Variants in PSD3 observed in about 807,000 individuals in gnomAD.
PSD3 encodes PH and SEC7 domain-containing protein 3.
Under a neutral mutation model 105.5 loss-of-function variants are expected in PSD3, and 49 were observed. The observed-to-expected ratio is 0.46, with a 90% CI of 0.37 to 0.59. PSD3 has a LOEUF of 0.59. Ranked by LOEUF, PSD3 falls within the 20% of genes least tolerant of loss-of-function variation. The pLI is 0.00. For synonymous variants in PSD3, 557 were observed against 457.8 expected (o/e 1.22, Z -2.77); for missense variants, 1,561 against 1,263.8 (o/e 1.24, Z -3.57).
intron 1 of PSD3, among the ~76,000 whole-genome samples, chr8:18,971,063 C>A (rs554686789): frequency 6.6e-6 from 1 of 151,876 alleles, no homozygotes; most frequent in South Asian, 2.1e-4. Flanking sequence ...CTTAATGAGA[C>A]CATGCAGACC....
At chr8:18,786,042 G>C (rs1014045864) in intron 8 of PSD3, among the ~76,000 whole-genome samples, 2 of 152,158 alleles carry the variant, frequency 1.3e-5, no homozygotes, top group Non-Finnish European at 2.9e-5. Context: ...AATAAAATGA[G>C]ATACGCCTAT....
At chr8:19,015,869 T>C (rs188618824), upstream of PSD3, among the ~76,000 whole-genome samples, 7 of 152,336 alleles carry the variant, frequency 4.6e-5, no homozygotes, top group East Asian at 1.3e-3. Context: ...CAAAGGAAAT[T>C]TTTAATTGGT....
chr8:18,672,237 C>G (rs537391580), intron 9 of PSD3, among the ~76,000 whole-genome samples: 1 of 151,812 alleles, frequency 6.6e-6, no homozygotes, highest in East Asian at 1.9e-4. Context: ...CCAAGAAAAA[C>G]GGTCAATTAT....
chr8:18,658,656 G>T (rs1309196371), intron 9 of PSD3, among the ~76,000 whole-genome samples: 1 of 151,652 alleles, frequency 6.6e-6, no homozygotes, highest in East Asian at 1.9e-4. Context: ...CTAAGTAGCT[G>T]TGGTTACACC....
At chr8:18,767,828 A>T (rs965866083) in intron 8 of PSD3, among the ~76,000 whole-genome samples, 2 of 152,116 alleles carry the variant, frequency 1.3e-5, no homozygotes, top group African/African-American at 4.8e-5. Flanking sequence ...TACTATGCAT[A>T]AATGTATGCT....
chr8:19,027,398 T>A (rs1008876538), intron 1 of PSD3, among the ~76,000 whole-genome samples: 6 of 152,138 alleles, frequency 3.9e-5, no homozygotes, highest in African/African-American at 1.4e-4. Context: ...TAATCCACAG[T>A]CAGAAACCCC....
At chr8:18,752,520 A>G (rs1216775965) in intron 9 of PSD3, among the ~76,000 whole-genome samples, 1 of 72,904 alleles carries the variant, frequency 1.4e-5, no homozygotes, top group Admixed American at 2.2e-4. Context: ...AATATATGTA[A>G]TATATATAAT....
chr8:19,058,198 G>A (rs1262608142), intron 1 of PSD3, among the ~76,000 whole-genome samples: 3 of 152,100 alleles, frequency 2.0e-5, no homozygotes, highest in Admixed American at 1.3e-4. Flanking sequence ...AGTGGGTTAC[G>A]TACTTTGTGG....
At chr8:18,639,458 T>A (rs1807489481) in intron 10 of PSD3, among the ~76,000 whole-genome samples, 1 of 152,016 alleles carries the variant, frequency 6.6e-6, no homozygotes, top group Non-Finnish European at 1.5e-5. Flanking sequence ...TTTAATTCAG[T>A]CCCCACAAGA....
chr8:19,048,699 C>T (rs1034821354), intron 1 of PSD3, among the ~76,000 whole-genome samples: 8 of 152,216 alleles, frequency 5.3e-5, no homozygotes, highest in African/African-American at 1.4e-4. Flanking sequence ...ATAGAACTGT[C>T]ACTGTTAGAA....
intron 4 of PSD3, among the ~76,000 whole-genome samples, chr8:18,811,483 A>G (rs1811676025): frequency 6.6e-6 from 1 of 152,224 alleles, no homozygotes; most frequent in Non-Finnish European, 1.5e-5. Context: ...AGAATTTAAT[A>G]AATAAGTAAA....
intron 8 of PSD3, among the ~76,000 whole-genome samples, chr8:18,793,321 T>C (rs560673333): frequency 1.6e-4 from 17 of 107,380 alleles, no homozygotes; most frequent in African/African-American, 4.6e-4. Flanking sequence ...TAAAGTATAA[T>C]AACAAAATAA....
At chr8:18,870,145 C>A (rs1817228701) in intron 3 of PSD3, among the ~76,000 whole-genome samples, 1 of 152,102 alleles carries the variant, frequency 6.6e-6, no homozygotes, top group Non-Finnish European at 1.5e-5. Context: ...GCACCACTCT[C>A]AGTGGGTTTT....
rs529340487 is a variant in PSD3 at position 19,066,985 on chromosome 8, A to C, written c.324+17221T>G. ...TTTCAGTCAGATTATAAACACCTCAAAGAAAAGCCTTATGACTATTATTAT... is the reference window on the plus strand; with the variant it reads ...TTTCAGTCAGATTATAAACACCTCACAGAAAAGCCTTATGACTATTATTAT... On this transcript the variant is annotated intron_variant, in intron 1 of 1. Transcript: ENST00000521475. Among the ~76,000 whole-genome samples, 5 of 152,296 alleles carry C rather than the reference A, an allele frequency of 3.3e-5. No homozygotes were observed. The South Asian group carries it at 1.0e-3, about 32-fold the overall frequency.
intron 4 of PSD3, among the ~76,000 whole-genome samples, chr8:18,855,221 C>A (rs1419345553): frequency 1.3e-5 from 2 of 152,184 alleles, no homozygotes; most frequent in African/African-American, 4.8e-5. Context: ...AAATTATACA[C>A]TCGAAGAACA....
At chr8:18,852,503 A>G (rs756012562) in intron 4 of PSD3, among the ~76,000 whole-genome samples, 1 of 152,228 alleles carries the variant, frequency 6.6e-6, no homozygotes, top group Non-Finnish European at 1.5e-5. Context: ...ACATGTGTAC[A>G]CAATGCTGCT....
At chr8:18,655,577 G>A (rs1808827597) in intron 10 of PSD3, 65 bp downstream of exon 10, 8 of 1,408,954 alleles carry the variant, frequency 5.7e-6, no homozygotes, top group Non-Finnish European at 8.1e-6. Context: ...CACTTCCAAG[G>A]CATAAAGACA....
At chr8:18,587,680 T>C (rs1803292313) in intron 12 of PSD3, among the ~76,000 whole-genome samples, 2 of 152,154 alleles carry the variant, frequency 1.3e-5, no homozygotes, top group Non-Finnish European at 2.9e-5. Context: ...CCTTCTTCAG[T>C]AAGATTTTTC....
intron 2 of PSD3, among the ~76,000 whole-genome samples, chr8:18,931,640 C>T (rs1821755581): frequency 2.0e-5 from 3 of 152,142 alleles, no homozygotes; most frequent in South Asian, 4.2e-4. Flanking sequence ...TAGTGCCACC[C>T]GACTCTTTTC....
Sources: gnomAD v4.1 joint callset for allele counts (sites outside exome capture counted in the v4.1 genomes callset) on GRCh38, gnomAD v4.1.1 for gene constraint, MANE v1.5 for transcripts, NCBI Gene and HGNC (gene_info 2026-07-23, HGNC 2026-07-21) for gene names.